NTM: variants seen among roughly 807,000 people sequenced by gnomAD.
The protein encoded by NTM is IgLON family member 2.
A neutral mutation model predicts 42.1 loss-of-function variants in NTM; 13 were observed. That is an observed-to-expected ratio of 0.31 (90% CI 0.20 to 0.49). The LOEUF is 0.49. Ranked by LOEUF, NTM falls within the 20% of genes least tolerant of loss-of-function variation. NTM has a pLI of 0.99. For synonymous variants in NTM, 187 were observed against 179.2 expected, an observed-to-expected ratio of 1.04 and a Z score of -0.35; for missense variants, 373 against 452.8, an observed-to-expected ratio of 0.82 and a Z score of 1.60.
At chr11:131,638,073 G>A (rs1052630655) in intron 1 of NTM, among the ~76,000 whole-genome samples, 5 of 152,014 alleles carry the variant, frequency 3.3e-5, no homozygotes, top group Non-Finnish European at 7.4e-5. Context: ...GTTATTTTAG[G>A]AGCTCCTTTA....
intron 1 of NTM, among the ~76,000 whole-genome samples, chr11:131,821,464 T>C (rs2093185694): frequency 6.6e-6 from 1 of 152,166 alleles, no homozygotes; most frequent in Non-Finnish European, 1.5e-5. Context: ...AGCAAACACT[T>C]GAGTCTATCC....
intron 7 of NTM, among the ~76,000 whole-genome samples, chr11:132,316,525 T>A (rs2095434080): frequency 6.6e-6 from 1 of 152,154 alleles, no homozygotes; most frequent in African/African-American, 2.4e-5. Flanking sequence ...TTAGAAAGAG[T>A]GGGTCACACC....
Position 131,397,124 on chromosome 11 carries a change from G to T in NTM, c.82+26236G>T, listed in dbSNP as rs531353331. Among the ~76,000 whole-genome samples the T allele has an allele frequency of 2.0e-5, 3 of 152,226 alleles. No individual in the cohort carries two copies. In the East Asian group the frequency reaches 5.8e-4, roughly 29 times the overall value. On this transcript the variant is annotated intron_variant, in intron 1 of 8. Transcript: ENST00000683400. Reference sequence around the variant, plus strand: ...CAAGTGACATGCCCCAGAGTTGAGTGCTCTAACAAAAGCAAACACAAATAT... The same window carrying T: ...CAAGTGACATGCCCCAGAGTTGAGTTCTCTAACAAAAGCAAACACAAATAT...
intron 1 of NTM, among the ~76,000 whole-genome samples, chr11:131,589,098 T>C (rs1450907579): frequency 6.6e-6 from 1 of 151,914 alleles, no homozygotes; most frequent in African/African-American, 2.4e-5. Context: ...GGTGGCATGA[T>C]AAATTAGTAT....
chr11:131,718,923 T>C (rs570906825), intron 1 of NTM, among the ~76,000 whole-genome samples: 76 of 152,294 alleles, frequency 5.0e-4, no homozygotes, highest in African/African-American at 1.8e-3. Context: ...TATCAGTGTC[T>C]TGAAAACCAC....
intron 2 of NTM, among the ~76,000 whole-genome samples, chr11:132,056,646 T>C (rs879016899): frequency 1.3e-5 from 2 of 152,210 alleles, no homozygotes; most frequent in Non-Finnish European, 2.9e-5. Flanking sequence ...ATCTTATATC[T>C]TTGAACACTA....
chr11:131,626,483 C>T (rs751045158), intron 1 of NTM, among the ~76,000 whole-genome samples: 1 of 152,176 alleles, frequency 6.6e-6, no homozygotes, highest in Non-Finnish European at 1.5e-5. Context: ...GAAGTTGTCT[C>T]TTCTTCCAAA....
chr11:131,804,002 CT>C (rs2092333285), intron 1 of NTM, among the ~76,000 whole-genome samples: 1 of 152,150 alleles, frequency 6.6e-6, no homozygotes, highest in South Asian at 2.1e-4. Context: ...CTATAATTGC[CT>C]TCACAGTATT....
At chr11:131,643,914 A>G (rs147810038) in intron 1 of NTM, among the ~76,000 whole-genome samples, 1 of 152,276 alleles carries the variant, frequency 6.6e-6, no homozygotes, top group East Asian at 1.9e-4. Context: ...CTACCACAAC[A>G]TGGGTTCTGC....
chr11:131,718,794 C>T (rs912887253), intron 1 of NTM, among the ~76,000 whole-genome samples: 12 of 152,092 alleles, frequency 7.9e-5, no homozygotes, highest in African/African-American at 1.9e-4. Flanking sequence ...CCTCTAGCCT[C>T]CACCTGATTA....
chr11:132,039,808 T>A (rs1480347986), intron 2 of NTM, among the ~76,000 whole-genome samples: 1 of 150,024 alleles, frequency 6.7e-6, no homozygotes, highest in African/African-American at 2.4e-5. Flanking sequence ...ACTTACTTTC[T>A]CTCTCTGCGG....
At chr11:132,172,261 C>T (rs2076215498) in intron 3 of NTM, among the ~76,000 whole-genome samples, 1 of 152,128 alleles carries the variant, frequency 6.6e-6, no homozygotes, top group South Asian at 2.1e-4. Context: ...ACATTATTAC[C>T]AATTGACAGA....
At chr11:131,881,464 G>A (rs1299118386) in intron 1 of NTM, among the ~76,000 whole-genome samples, 1 of 134,478 alleles carries the variant, frequency 7.4e-6, no homozygotes, top group Non-Finnish European at 1.6e-5. Flanking sequence ...AAATGTAATT[G>A]TGAGCTCTCA....
chr11:131,521,363 A>G (rs2049654313), intron 1 of NTM, among the ~76,000 whole-genome samples: 2 of 142,602 alleles, frequency 1.4e-5, no homozygotes, highest in South Asian at 2.3e-4. Context: ...AAATAAATGC[A>G]GAAGAAGCAA....
intron 3 of NTM, among the ~76,000 whole-genome samples, chr11:132,158,487 G>A (rs984183973): frequency 2.0e-5 from 3 of 152,198 alleles, no homozygotes; most frequent in Admixed American, 6.5e-5. Context: ...GGATATTTCC[G>A]TGTTGGAGAG....
At chr11:131,818,447 C>T (rs2093041453) in intron 1 of NTM, among the ~76,000 whole-genome samples, 1 of 152,112 alleles carries the variant, frequency 6.6e-6, no homozygotes, top group African/African-American at 2.4e-5. Context: ...CATAGATTTG[C>T]ATATTGATAG....
chr11:131,797,227 A>C (rs912925348), intron 1 of NTM, among the ~76,000 whole-genome samples: 4 of 152,156 alleles, frequency 2.6e-5, no homozygotes, highest in Non-Finnish European at 4.4e-5. Context: ...TTCAAGGGTG[A>C]GTAAAAGGAC....
At chr11:131,850,230 G>A (rs1227812816) in intron 1 of NTM, among the ~76,000 whole-genome samples, 1 of 152,148 alleles carries the variant, frequency 6.6e-6, no homozygotes, top group Non-Finnish European at 1.5e-5. Context: ...GTAAAGAATT[G>A]CCACACAATT....
At chr11:131,803,901 C>T (rs1010838690) in intron 1 of NTM, among the ~76,000 whole-genome samples, 4 of 152,228 alleles carry the variant, frequency 2.6e-5, no homozygotes, top group Non-Finnish European at 5.9e-5. Flanking sequence ...GTGTTCTCTT[C>T]ACCTCCCACT....
Sources: allele counts gnomAD v4.1 joint callset (sites outside exome capture counted in the v4.1 genomes callset), GRCh38; gene constraint gnomAD v4.1.1; transcripts MANE v1.5; gene names NCBI Gene and HGNC (gene_info 2026-07-23, HGNC 2026-07-21).